The following SGSM1 variants were observed in gnomAD, a reference collection of about 807,000 sequenced individuals.
The protein encoded by SGSM1 is RUN and TBC1 domain containing 2.
A neutral mutation model predicts 133.8 loss-of-function variants in SGSM1; 73 were observed. The observed-to-expected ratio is 0.55, with a 90% confidence interval of 0.45 to 0.66. SGSM1 has a LOEUF of 0.66. Among genes scored for constraint, SGSM1 ranks in the 30% least tolerant of loss-of-function variants. The probability of loss-of-function intolerance (pLI) is 0.00; values close to 1 mark genes in which losing one functional copy is unlikely to be tolerated. For missense variants in SGSM1, 1,213 were observed against 1,448.1 expected, an observed-to-expected ratio of 0.84 and a Z score of 2.64; for synonymous variants, 563 against 573.0, an observed-to-expected ratio of 0.98 and a Z score of 0.25.
intron 2 of SGSM1, among the ~76,000 whole-genome samples, chr22:24,823,115 C>G (rs1408208422): frequency 6.6e-6 from 1 of 152,100 alleles, no homozygotes; most frequent in Non-Finnish European, 1.5e-5. Flanking sequence ...TTCACCTGAC[C>G]GGAACTCAGT....
At chr22:24,905,413 G>C (rs777673906) in intron 21 of SGSM1, among the ~76,000 whole-genome samples, 6 of 152,110 alleles carry the variant, frequency 3.9e-5, no homozygotes, top group Non-Finnish European at 7.3e-5. Flanking sequence ...CTGATTATAT[G>C]AATATGAATG....
At chr22:24,859,152 G>A (rs1325150622) in intron 8 of SGSM1, among the ~76,000 whole-genome samples, 1 of 152,136 alleles carries the variant, frequency 6.6e-6, no homozygotes, top group Non-Finnish European at 1.5e-5. Flanking sequence ...ATGGAGGGGT[G>A]GTGACATCAC....
intron 12 of SGSM1, 21 bp downstream of exon 12, chr22:24,868,876 C>T (rs1601939946): frequency 6.2e-7 from 1 of 1,610,948 alleles, no homozygotes; most frequent in Non-Finnish European, 8.5e-7. Flanking sequence ...CTGTCCCGGG[C>T]CCCGGGGAGT....
chr22:24,830,190 C>G (rs16979022), intron 2 of SGSM1, among the ~76,000 whole-genome samples: 1 of 152,040 alleles, frequency 6.6e-6, no homozygotes, highest in Admixed American at 6.5e-5. Context: ...GCTGTCAGCT[C>G]GGGAAGATAC....
At chr22:24,822,453 G>T (rs1024548395) in intron 2 of SGSM1, among the ~76,000 whole-genome samples, 5 of 152,018 alleles carry the variant, frequency 3.3e-5, no homozygotes, top group African/African-American at 4.8e-5. Context: ...CCATAGTTTT[G>T]CCTCTTCCAG....
intron 3 of SGSM1, among the ~76,000 whole-genome samples, chr22:24,847,327 G>A (rs186156345): frequency 2.0e-5 from 3 of 152,294 alleles, no homozygotes; most frequent in South Asian, 4.1e-4. Context: ...CCCCCTGAGA[G>A]CACTGGTTTG....
intron 2 of SGSM1, among the ~76,000 whole-genome samples, chr22:24,839,332 G>A (rs1929656510): frequency 6.6e-6 from 1 of 152,160 alleles, no homozygotes; most frequent in South Asian, 2.1e-4. Context: ...CCAAAGTGCT[G>A]GGATTATAGG....
intron 5 of SGSM1, among the ~76,000 whole-genome samples, chr22:24,851,139 G>A (rs1166687155): frequency 1.3e-5 from 2 of 151,770 alleles, no homozygotes; most frequent in East Asian, 1.9e-4. Context: ...AAAATGCATG[G>A]TGAGCCTTTT....
chr22:24,867,066 C>T (rs748688047), intron 9 of SGSM1, 27 bp from the exon 10 acceptor site: 3 of 1,610,588 alleles, frequency 1.9e-6, no homozygotes, highest in Non-Finnish European at 2.5e-6. Context: ...AGAAGTCCTG[C>T]AAGCCTGACC....
chr22:24,810,504 C>G (rs770106853), intron 2 of SGSM1, among the ~76,000 whole-genome samples: 1 of 152,124 alleles, frequency 6.6e-6, no homozygotes, highest in Non-Finnish European at 1.5e-5. Flanking sequence ...GTTCCCAGAG[C>G]GAGCAGGGAC....
intron 22 of SGSM1, 30 bp downstream of exon 22, chr22:24,912,782 A>G (rs1933680504): frequency 6.5e-7 from 1 of 1,540,820 alleles, no homozygotes. Context: ...CTTGCTTTGG[A>G]CTTTTTTGGG....
At chr22:24,856,244 A>C (rs117044277) in intron 8 of SGSM1, among the ~76,000 whole-genome samples, 2 of 152,128 alleles carry the variant, frequency 1.3e-5, no homozygotes, top group African/African-American at 2.4e-5. Flanking sequence ...GATGCTTCCT[A>C]TGTGTCAGGC....
intron 24 of SGSM1, 67 bp from the exon 25 acceptor site, chr22:24,924,119 G>T: frequency 6.8e-7 from 1 of 1,469,946 alleles, no homozygotes; most frequent in Non-Finnish European, 9.5e-7. Context: ...GCCTCCAGGG[G>T]CTGGAATTGT....
At chr22:24,874,617 G>A (rs1193601553) in intron 12 of SGSM1, 3 of 1,536,320 alleles carry the variant, frequency 2.0e-6, no homozygotes, top group South Asian at 1.2e-5. Context: ...GGGGCTGGGT[G>A]CCAGCCACCT....
At chr22:24,877,451 C>T (rs971305812) in intron 13 of SGSM1, among the ~76,000 whole-genome samples, 1 of 152,084 alleles carries the variant, frequency 6.6e-6, no homozygotes, top group Non-Finnish European at 1.5e-5. Flanking sequence ...GATCCTTTGT[C>T]TCTTTGAAAC....
chr22:24,895,121 A>C, intron 17 of SGSM1, 102 bp from the exon 18 acceptor site: 15 of 1,128,808 alleles, frequency 1.3e-5, no homozygotes, highest in Non-Finnish European at 1.8e-5. Context: ...AGTTAGGAAT[A>C]GAGATGCAAC....
chr22:24,903,151 A>G (rs1017546661), intron 20 of SGSM1, among the ~76,000 whole-genome samples: 1 of 152,100 alleles, frequency 6.6e-6, no homozygotes, highest in African/African-American at 2.4e-5. Flanking sequence ...ATTAATGACT[A>G]CTAACAATTT....
intron 13 of SGSM1, among the ~76,000 whole-genome samples, chr22:24,877,733 C>T (rs1033873496): frequency 1.3e-5 from 2 of 150,130 alleles, no homozygotes; most frequent in East Asian, 2.0e-4. Flanking sequence ...CTGTATTTAA[C>T]GTGGTTTCAA....
At position 24,924,619 on chromosome 22, in the gene SGSM1, T is replaced by C; in HGVS notation, c.*345T>C. 3.2e-6 allele frequency: 1 copy of C among 316,196 alleles called. No homozygotes were observed. Among genetic ancestry groups the C allele is most frequent in the Non-Finnish European group, 6.0e-6 (1 of 167,148 alleles). The allele number at this position is 316,196 out of a possible 1,614,324, so 19.6% of individuals were successfully genotyped here. A position where few individuals can be genotyped will look rare whatever the true frequency, so the allele number is the denominator to read the frequency against. ...CTTCTTTCCCTATCCCTCCAAACTG[T>C]CTTGTAAGATGAGACCTGGGGAGGA... is the stretch of plus-strand genomic sequence containing the variant. On this transcript the variant is annotated 3_prime_UTR_variant, in exon 25 of 25. Transcript: ENST00000400358.
Sources: gnomAD v4.1 joint callset for allele counts (sites outside exome capture counted in the v4.1 genomes callset) on GRCh38, gnomAD v4.1.1 for gene constraint, MANE v1.5 for transcripts, NCBI Gene and HGNC (gene_info 2026-07-23, HGNC 2026-07-21) for gene names.